The following FARP1 variants were observed in gnomAD, a reference collection of about 807,000 sequenced individuals.
FARP1 encodes FERM, ARH/RhoGEF and pleckstrin domain protein 1, also known as FERM, ARHGEF and pleckstrin domain-containing protein 1.
A neutral mutation model predicts 128.8 loss-of-function variants in FARP1; 52 were observed. That is an observed-to-expected ratio of 0.40 (90% CI 0.32 to 0.51). FARP1 has a LOEUF of 0.51. Ranked by LOEUF, FARP1 falls within the 20% of genes least tolerant of loss-of-function variation. The pLI, the probability that FARP1 is intolerant of heterozygous loss-of-function variation, is 0.45. For missense variants in FARP1, 1,333 were observed against 1,367.9 expected (o/e 0.97, Z 0.40); for synonymous variants, 580 against 551.8 (o/e 1.05, Z -0.72).
chr13:98,339,376 T>C (rs1594420315), intron 2 of FARP1, among the ~76,000 whole-genome samples: 1 of 152,164 alleles, frequency 6.6e-6, no homozygotes, highest in East Asian at 1.9e-4. Flanking sequence ...AACTCCTCAT[T>C]ATCAGGAGAA....
chr13:98,427,396 T>C (rs564733281), intron 17 of FARP1, among the ~76,000 whole-genome samples: 1 of 152,352 alleles, frequency 6.6e-6, no homozygotes, highest in Admixed American at 6.5e-5. Context: ...CTCTGTACTT[T>C]TTCCAAGGCC....
intron 3 of FARP1, among the ~76,000 whole-genome samples, chr13:98,346,152 A>G (rs1888167792): frequency 6.6e-6 from 1 of 151,144 alleles, no homozygotes; most frequent in Non-Finnish European, 1.5e-5. Flanking sequence ...CTCTCTGTTA[A>G]TTACTGAATT....
At chr13:98,396,060 A>T (rs1330606704) in intron 13 of FARP1, 2 of 398,978 alleles carry the variant, frequency 5.0e-6, no homozygotes, top group African/African-American at 2.1e-5. Flanking sequence ...TTCCTGGTAG[A>T]TGTAATAAGT....
intron 1 of FARP1, among the ~76,000 whole-genome samples, chr13:98,204,394 A>G (rs2139284174): frequency 6.6e-6 from 1 of 152,330 alleles, no homozygotes; most frequent in East Asian, 1.9e-4. Context: ...AACATGAGGT[A>G]ATAGGTAACT....
intron 1 of FARP1, chr13:98,204,128 C>G (rs1880122212): frequency 1.3e-5 from 2 of 152,244 alleles, no homozygotes; most frequent in African/African-American, 4.8e-5. Context: ...GCAATCACCC[C>G]TAGCCCAATG....
intron 6 of FARP1, among the ~76,000 whole-genome samples, chr13:98,379,872 A>G (rs1889824928): frequency 6.6e-6 from 1 of 152,190 alleles, no homozygotes; most frequent in Admixed American, 6.5e-5. Flanking sequence ...ATGAATATGG[A>G]ACCCACAGAT....
At chr13:98,289,585 C>T (rs529505506) in intron 2 of FARP1, among the ~76,000 whole-genome samples, 10 of 152,268 alleles carry the variant, frequency 6.6e-5, no homozygotes, top group Admixed American at 2.0e-4. Context: ...GCAAGGCATC[C>T]GGGCCAGCCA....
In FARP1 at chr13:98,446,718, CCTCT is replaced by C; in HGVS notation, c.2958_2961del (p.Glu988ProfsTer35). ...CTGCTCGGCTACTCGCTCACCATCCCCTCTGAGTCCGAGAACATCCAGAAAGACT... is the reference window on the plus strand; with the variant it reads ...CTGCTCGGCTACTCGCTCACCATCCCGAGTCCGAGAACATCCAGAAAGACT... On this transcript the variant is annotated frameshift_variant, in exon 26 of 27. Coordinates refer to ENST00000319562, the MANE Select transcript of FARP1 (RefSeq NM_005766.4). LOFTEE classifies it high-confidence loss of function. The C allele has an allele frequency of 6.2e-7, 1 of 1,614,206 alleles. No individual in the cohort carries two copies. The highest frequency in any genetic ancestry group is 8.5e-7 in the Non-Finnish European group (1 of 1,180,036).
rs944096 is a variant in FARP1, at chr13:98,254,562, G to T, written c.171+41149G>T. 5.2e-3 allele frequency among the ~76,000 whole-genome samples: 796 copies of T among 152,338 alleles called. 7 individuals are homozygous for T. The highest frequency in any genetic ancestry group is 9.4e-3 in the Non-Finnish European group (639 of 68,028). On this transcript the variant is annotated intron_variant, in intron 2 of 26. Coordinates refer to ENST00000319562, the MANE Select transcript of FARP1 (RefSeq NM_005766.4). ...TTTGTGGAGAGTCTACTGATGAGAAGTGTATCCTTCTGCCTGTGTTGCTGT... is the reference window on the plus strand; with the variant it reads ...TTTGTGGAGAGTCTACTGATGAGAATTGTATCCTTCTGCCTGTGTTGCTGT...
rs371529596 is a variant in FARP1, at chr13:98,446,873, ACAT to A, written c.3056+59_3056+61del. The A allele has an allele frequency of 4.1e-4, 656 of 1,583,412 alleles. 4 individuals carry two copies. The African/African-American group carries it at 7.5e-3, about 18-fold the overall frequency. Reference sequence around the variant, plus strand: ...TGCAGAAGAGGACCCCCTCTTCCAAACATCAGGATTTCTCCCAAGTCAGCGAGT... The same window carrying A: ...TGCAGAAGAGGACCCCCTCTTCCAAACAGGATTTCTCCCAAGTCAGCGAGT... On this transcript the variant is annotated intron_variant, in intron 26 of 26. Coordinates refer to ENST00000319562, the MANE Select transcript of FARP1 (RefSeq NM_005766.4).
At chr13:98,297,239 G>A (rs1885736365) in intron 2 of FARP1, among the ~76,000 whole-genome samples, 1 of 152,204 alleles carries the variant, frequency 6.6e-6, no homozygotes, top group African/African-American at 2.4e-5. Flanking sequence ...TACTTAGATG[G>A]TGTGTGCCCT....
intron 2 of FARP1, chr13:98,244,408 C>G: frequency 1.6e-6 from 2 of 1,271,008 alleles, no homozygotes; most frequent in Non-Finnish European, 1.1e-6. Flanking sequence ...TTTGCTGTGT[C>G]TCTTTATTGT....
intron 2 of FARP1, among the ~76,000 whole-genome samples, chr13:98,313,951 A>T (rs143614608): frequency 1.3e-5 from 2 of 152,356 alleles, no homozygotes; most frequent in African/African-American, 4.8e-5. Flanking sequence ...GACTGGGTTT[A>T]GGATGAGGGT....
At position 98,447,994 on chromosome 13, in the gene FARP1, G is replaced by C. The variant is rs1892960840; in HGVS notation, c.3057-242G>C. The stretch of plus-strand genomic sequence containing the variant: ...CCTCGCTCCTAACTGCTCCAATGGA[G>C]CGGGCAGTGTCACTGCAGCAAGGTA... On this transcript the variant is annotated intron_variant, in intron 26 of 26. Transcript: ENST00000319562. 8.9e-6 allele frequency: 5 copies of C among 558,960 alleles called. No individual in the cohort carries two copies. In the East Asian group the frequency reaches 1.5e-4, roughly 17 times the overall value. 34.6% of individuals were successfully genotyped at this position (558,960 alleles called of 1,614,324 possible).
chr13:98,238,146 C>T (rs1047674784), intron 2 of FARP1, among the ~76,000 whole-genome samples: 2 of 152,086 alleles, frequency 1.3e-5, no homozygotes, highest in Non-Finnish European at 2.9e-5. Flanking sequence ...GCAGCTTCTC[C>T]CGACTAAGAG....
At chr13:98,380,556 A>G (rs1223216142) in intron 6 of FARP1, among the ~76,000 whole-genome samples, 2 of 152,100 alleles carry the variant, frequency 1.3e-5, no homozygotes, top group Non-Finnish European at 2.9e-5. Context: ...ATATCAAAAG[A>G]TGATGTTCAC....
Position 98,448,392 on chromosome 13 carries a change from G to A in FARP1, c.*75G>A. 8.5e-7 allele frequency: 1 copy of A among 1,179,680 alleles called. No homozygotes were observed. The highest frequency in any genetic ancestry group is 1.3e-6 in the Non-Finnish European group (1 of 788,138). 73.1% of individuals were successfully genotyped at this position (1,179,680 alleles called of 1,614,324 possible). On this transcript the variant is annotated 3_prime_UTR_variant, in exon 27 of 27. Transcript: ENST00000319562. The stretch of plus-strand genomic sequence containing the variant: ...CCTTTCTTCTGTATTAATGAAGCCT[G>A]GTAAAATTAACACCTGTCTGAAAAT...
chr13:98,287,579 C>T (rs1885245289), intron 2 of FARP1, among the ~76,000 whole-genome samples: 1 of 151,968 alleles, frequency 6.6e-6, no homozygotes, highest in South Asian at 2.1e-4. Flanking sequence ...ACATTGGCAA[C>T]CAGATTCTAC....
At position 98,244,423 on chromosome 13, in the gene FARP1, G is replaced by GT. The variant is rs996166176; in HGVS notation, c.171+31016dup. 135 of 1,433,884 alleles carry GT rather than the reference G, an allele frequency of 9.4e-5. 1 individual carries two copies. The African/African-American group carries it at 1.8e-3, about 19-fold the overall frequency. The allele number at this position is 1,433,884 out of a possible 1,614,324, so 88.8% of individuals were successfully genotyped here. ...TTTGCTGTGTCTCTTTATTGTTACT[G>GT]TTTTTTAAAAAACAACAACAAAAAG... On this transcript the variant is annotated intron_variant, in intron 2 of 26. Coordinates refer to ENST00000319562, the MANE Select transcript of FARP1 (RefSeq NM_005766.4).
Sources: allele counts gnomAD v4.1 joint callset (sites outside exome capture counted in the v4.1 genomes callset), GRCh38; gene constraint gnomAD v4.1.1; transcripts MANE v1.5; gene names NCBI Gene and HGNC (gene_info 2026-07-23, HGNC 2026-07-21).